Variants in TMEM164 observed in about 807,000 individuals in gnomAD.
TMEM164 encodes RP13-360B22.2.
TMEM164 carries 4 observed loss-of-function variants against 18.8 expected under a neutral mutation model. The observed-to-expected ratio is 0.21, with a 90% CI of 0.10 to 0.49. The LOEUF (loss-of-function observed/expected upper bound fraction) is 0.49. Among genes scored for constraint, TMEM164 ranks in the 20% least tolerant of loss-of-function variants. The probability of loss-of-function intolerance (pLI) is 0.98; values close to 1 mark genes in which losing one functional copy is unlikely to be tolerated. For synonymous variants in TMEM164, 86 were observed against 101.7 expected (o/e 0.85, Z 0.93); for missense variants, 108 against 239.9 (o/e 0.45, Z 3.63).
chrX:110,068,756 CT>C (rs1026883026), intron 3 of TMEM164, among the ~76,000 whole-genome samples: 3 of 110,745 alleles, frequency 2.7e-5, no homozygotes, highest in Non-Finnish European at 5.7e-5. Context: ...CTAGTTCTAC[CT>C]TTCCACACTA....
chrX:110,064,066 G>A (rs1244347381), intron 2 of TMEM164, among the ~76,000 whole-genome samples: 2 of 111,288 alleles, frequency 1.8e-5, no homozygotes, highest in African/African-American at 6.6e-5. Context: ...CTCTGAAATG[G>A]GGTTTAATAA....
intron 3 of TMEM164, among the ~76,000 whole-genome samples, chrX:110,071,952 C>T (rs2065598737): frequency 9.1e-6 from 1 of 109,731 alleles, no homozygotes; most frequent in Non-Finnish European, 1.9e-5. Flanking sequence ...GTAAAATATA[C>T]TGCAGAATGT....
At chrX:110,020,185 G>A (rs775575629) in intron 2 of TMEM164, among the ~76,000 whole-genome samples, 1 of 111,963 alleles carries the variant, frequency 8.9e-6, no homozygotes, top group South Asian at 3.7e-4. Flanking sequence ...CAAATGTAAG[G>A]TCTATGTTTT....
At chrX:110,121,785 C>G (rs1451636707) in intron 4 of TMEM164, among the ~76,000 whole-genome samples, 1 of 112,157 alleles carries the variant, frequency 8.9e-6, no homozygotes, top group Non-Finnish European at 1.9e-5. Flanking sequence ...AGTGGCTATA[C>G]CATTTTATAT....
chrX:110,168,290 C>G (rs2067185088), intron 5 of TMEM164, among the ~76,000 whole-genome samples: 1 of 113,277 alleles, frequency 8.8e-6, no homozygotes, highest in African/African-American at 3.2e-5. Context: ...TAGCTCTGTG[C>G]ATTTTCACGC....
At chrX:110,136,322 C>T (rs774393359) in intron 4 of TMEM164, among the ~76,000 whole-genome samples, 13 of 111,255 alleles carry the variant, frequency 1.2e-4, no homozygotes, top group African/African-American at 2.3e-4. Context: ...AGTGGTATTT[C>T]GTCCTAAGGA....
chrX:110,014,039 A>T (rs947469979), intron 2 of TMEM164, among the ~76,000 whole-genome samples: 1 of 111,760 alleles, frequency 8.9e-6, no homozygotes, highest in African/African-American at 3.3e-5. Flanking sequence ...ATCAAACTTG[A>T]ACATTACCAG....
intron 2 of TMEM164, among the ~76,000 whole-genome samples, chrX:110,038,135 C>T (rs960789234): frequency 1.3e-4 from 14 of 107,482 alleles, no homozygotes; most frequent in African/African-American, 1.7e-4. Flanking sequence ...GGACTACAGG[C>T]GCCCGCCACT....
At chrX:110,053,631 G>C (rs1196513960) in intron 2 of TMEM164, among the ~76,000 whole-genome samples, 4 of 111,949 alleles carry the variant, frequency 3.6e-5, no homozygotes, top group Non-Finnish European at 7.5e-5. Context: ...CTTTGACTCT[G>C]ACACAATTGG....
intron 2 of TMEM164, among the ~76,000 whole-genome samples, chrX:110,035,254 AAAAT>A (rs1934737486): frequency 9.0e-6 from 1 of 110,627 alleles, no homozygotes. Flanking sequence ...AGAAATGAAA[AAAAT>A]AAATAAAAAT....
At chrX:110,134,598 G>GC (rs993251671) in intron 4 of TMEM164, among the ~76,000 whole-genome samples, 7 of 91,152 alleles carry the variant, frequency 7.7e-5, no homozygotes, top group Admixed American at 4.8e-4. Flanking sequence ...ACCAGTGGCT[G>GC]CCCCCCCGCT....
At chrX:110,081,795 G>A (rs936509213) in intron 3 of TMEM164, among the ~76,000 whole-genome samples, 4 of 112,080 alleles carry the variant, frequency 3.6e-5, no homozygotes, top group Non-Finnish European at 3.8e-5. Context: ...GCCCTTTGCT[G>A]TGCCAGCCAC....
intron 3 of TMEM164, among the ~76,000 whole-genome samples, chrX:110,083,519 T>A (rs1268103655): frequency 9.0e-6 from 1 of 111,028 alleles, no homozygotes; most frequent in Non-Finnish European, 1.9e-5. Flanking sequence ...CACTTTTTTC[T>A]TAGCTAGTCT....
In TMEM164 at chrX:110,176,099, G is replaced by A. The variant is rs761212242; in HGVS notation, c.*2648G>A. 40 of 755,370 alleles carry A rather than the reference G, an allele frequency of 5.3e-5. No individual in the cohort carries two copies. The highest frequency in any genetic ancestry group is 1.5e-4 in the East Asian group (1 of 6,599). 62.3% of individuals were successfully genotyped at this position (755,370 alleles called of 1,213,427 possible). Reference sequence around the variant, plus strand: ...AGGTTTCCGTGTGCCATTTGCCAGCGTGTGGGAGCTCTGCGCGTGTGTGAG... The same window carrying A: ...AGGTTTCCGTGTGCCATTTGCCAGCATGTGGGAGCTCTGCGCGTGTGTGAG... On this transcript the variant is annotated 3_prime_UTR_variant, in exon 7 of 7. Transcript: ENST00000372068.
At chrX:110,143,196 C>T (rs1024371908) in intron 4 of TMEM164, among the ~76,000 whole-genome samples, 21 of 112,392 alleles carry the variant, frequency 1.9e-4, no homozygotes, top group Non-Finnish European at 3.9e-4. Context: ...CCTCAGTTTC[C>T]TCATCTGTCA....
At chrX:110,040,938 T>G (rs1935061499) in intron 2 of TMEM164, among the ~76,000 whole-genome samples, 1 of 111,811 alleles carries the variant, frequency 8.9e-6, no homozygotes, top group Non-Finnish European at 1.9e-5. Context: ...AGGCAACAAA[T>G]TAAGTGGGAA....
At chrX:110,134,141 AG>A (rs1410297429) in intron 4 of TMEM164, among the ~76,000 whole-genome samples, 7 of 111,666 alleles carry the variant, frequency 6.3e-5, no homozygotes, top group African/African-American at 2.3e-4. Context: ...ATTTGACATT[AG>A]GGAGCTGGCT....
chrX:110,087,349 G>A (rs995443645), intron 3 of TMEM164, among the ~76,000 whole-genome samples: 10 of 111,818 alleles, frequency 8.9e-5, no homozygotes, highest in African/African-American at 3.3e-4. Context: ...CTTTCTCTGA[G>A]TTGGGCTCTC....
chrX:110,165,485 T>C (rs1337819644), intron 5 of TMEM164, among the ~76,000 whole-genome samples: 1 of 112,597 alleles, frequency 8.9e-6, no homozygotes, highest in East Asian at 2.8e-4. Context: ...CGATTGCCTC[T>C]TTAATTTTGT....
Sources: gnomAD v4.1 joint callset for allele counts (sites outside exome capture counted in the v4.1 genomes callset) on GRCh38, gnomAD v4.1.1 for gene constraint, MANE v1.5 for transcripts, NCBI Gene and HGNC (gene_info 2026-07-23, HGNC 2026-07-21) for gene names.